Variants in TRIM16 observed in about 807,000 individuals in gnomAD.
The protein encoded by TRIM16 is tripartite motif-containing protein 16.
TRIM16 carries 33 observed loss-of-function variants against 50.4 expected under a neutral mutation model. The ratio of observed to expected loss-of-function variants is 0.65; its 90% CI spans 0.50 to 0.88. The LOEUF (loss-of-function observed/expected upper bound fraction) is 0.88. TRIM16 is among the 40% of genes least tolerant of loss of function. The pLI is 0.00. For missense variants in TRIM16, 581 were observed against 686.8 expected, an observed-to-expected ratio of 0.85 and a Z score of 1.72; for synonymous variants, 229 against 270.7, an observed-to-expected ratio of 0.85 and a Z score of 1.51.
In TRIM16 at chr17:15,678,497, C is replaced by T. The variant is rs570102209; in HGVS notation, c.-589-776G>A. On this transcript the variant is annotated intron_variant, in intron 4 of 11. Transcript: ENST00000649191. ...GTGCGCCCTTTCCAGGCCTGACTCA[C>T]GTATGTTCCTCCATGCTGTTTTCCC... Among the ~76,000 whole-genome samples, 7 of 152,272 alleles carry T rather than the reference C, an allele frequency of 4.6e-5. No homozygotes were observed. In the South Asian group the frequency reaches 6.2e-4, roughly 14 times the overall value.
At chr17:15,666,260 T>C (rs1023441790) in intron 6 of TRIM16, among the ~76,000 whole-genome samples, 6 of 152,332 alleles carry the variant, frequency 3.9e-5, no homozygotes, top group African/African-American at 1.4e-4. Context: ...TTATTTTTAT[T>C]TTTTAGAGAT....
At chr17:15,650,978 A>G in intron 7 of TRIM16, 113 bp downstream of exon 7, 2 of 1,402,656 alleles carry the variant, frequency 1.4e-6, no homozygotes, top group Admixed American at 2.4e-5. Flanking sequence ...AGTCTTTTTC[A>G]GGTATGCTCA....
rs377452311 is a variant in TRIM16 at position 15,651,429 on chromosome 17, C to T, written c.181G>A (p.Asp61Asn). 117 of 1,613,542 alleles carry T rather than the reference C, an allele frequency of 7.3e-5. No homozygotes were observed. Among genetic ancestry groups the T allele is most frequent in the Non-Finnish European group, 9.0e-5 (106 of 1,179,650 alleles). Residue 61 changes from aspartate (D) to asparagine (N), a missense_variant, in exon 7 of 12, where the codon GAC becomes AAC. By Grantham distance (23) the Asp-to-Asn change is conservative. Transcript: ENST00000649191. Reference sequence around the variant, plus strand: ...GCAGGATCCCCCTGCTCTGCAGAGTCGCTGTCCTGTTCCTCCGTCTCCCTG... The same window carrying T: ...GCAGGATCCCCCTGCTCTGCAGAGTTGCTGTCCTGTTCCTCCGTCTCCCTG... ...LGRETEEQDS[D>N]SAEQGDPAGE...
intron 6 of TRIM16, among the ~76,000 whole-genome samples, chr17:15,670,094 C>T (rs1407057173): frequency 6.6e-6 from 1 of 152,166 alleles, no homozygotes; most frequent in Non-Finnish European, 1.5e-5. Flanking sequence ...TGAGATAATT[C>T]CCTCATGTCA....
chr17:15,632,933 A>G lies in TRIM16; in HGVS notation c.850-259T>C, dbSNP rs190337563. ...GATTTTAAAAATCAAGATGTACTAG[A>G]TGGCCATGAACAGCTCCAATACACA... is the stretch of plus-strand genomic sequence containing the variant. On this transcript the variant is annotated intron_variant, in intron 9 of 11. Coordinates refer to ENST00000649191, the MANE Select transcript of TRIM16 (RefSeq NM_001348119.1). The G allele has an allele frequency of 1.2e-3, 460 of 369,812 alleles. 3 individuals carry two copies. Among genetic ancestry groups the G allele is most frequent in the South Asian group, 9.9e-3 (166 of 16,752 alleles). The allele number at this position is 369,812 out of a possible 1,614,324, so 22.9% of individuals were successfully genotyped here. A position where few individuals can be genotyped will look rare whatever the true frequency, so the allele number is the denominator to read the frequency against.
At chr17:15,653,813 G>A (rs1369850078) in intron 6 of TRIM16, among the ~76,000 whole-genome samples, 2 of 152,208 alleles carry the variant, frequency 1.3e-5, no homozygotes. Context: ...AAGAGGCTGC[G>A]AGGCATGACC....
intron 4 of TRIM16, among the ~76,000 whole-genome samples, chr17:15,679,177 C>G (rs565888725): frequency 1.4e-4 from 22 of 152,294 alleles, no homozygotes; most frequent in Admixed American, 4.6e-4. Context: ...CCGCATCCAG[C>G]CAACAGATGC....
chr17:15,632,375 A>G (rs1440117441), intron 10 of TRIM16, 134 bp downstream of exon 10: 2 of 1,369,360 alleles, frequency 1.5e-6, no homozygotes, highest in Non-Finnish European at 2.0e-6. Flanking sequence ...AGACTGTCTC[A>G]CAGAAAAAGA....
chr17:15,659,870 C>T (rs563803496), intron 6 of TRIM16, among the ~76,000 whole-genome samples: 2 of 152,168 alleles, frequency 1.3e-5, no homozygotes, highest in South Asian at 2.1e-4. Flanking sequence ...TCCAGGGAGC[C>T]GCACTCACCT....
chr17:15,680,533 C>T (rs1989142957), intron 4 of TRIM16, among the ~76,000 whole-genome samples: 1 of 152,026 alleles, frequency 6.6e-6, no homozygotes, highest in African/African-American at 2.4e-5. Flanking sequence ...GAGTCACGCT[C>T]CTCAATTATC....
rs188307419 is a variant in TRIM16, at chr17:15,651,430, G to A, written c.180C>T (p.Ser60=). The change falls in exon 7 of 12, where the codon AGC becomes AGT. Residue 60 remains serine (S), a synonymous_variant. Transcript: ENST00000649191. ...CAGGATCCCCCTGCTCTGCAGAGTC[G>A]CTGTCCTGTTCCTCCGTCTCCCTGC... The part of the protein sequence containing the change: ...KLGRETEEQD[S]DSAEQGDPAG... 18 of 1,613,588 alleles carry A rather than the reference G, an allele frequency of 1.1e-5. No individual in the cohort carries two copies. The highest frequency in any genetic ancestry group is 4.4e-5 in the South Asian group (4 of 91,030).
intron 6 of TRIM16, among the ~76,000 whole-genome samples, chr17:15,658,336 A>G (rs1988068114): frequency 6.6e-6 from 1 of 152,198 alleles, no homozygotes; most frequent in Admixed American, 6.5e-5. Context: ...GTTTCTGGCT[A>G]AAGAAGCTAT....
intron 7 of TRIM16, among the ~76,000 whole-genome samples, chr17:15,648,712 T>C (rs906214335): frequency 7.2e-5 from 11 of 152,206 alleles, no homozygotes; most frequent in African/African-American, 2.7e-4. Context: ...GGCTTTAGCC[T>C]CGTCAAGGTA....
At chr17:15,661,782 GCTC>G (rs1988249247) in intron 6 of TRIM16, among the ~76,000 whole-genome samples, 2 of 152,192 alleles carry the variant, frequency 1.3e-5, no homozygotes, top group Non-Finnish European at 2.9e-5. Flanking sequence ...CTTGAGAGCA[GCTC>G]CTAGTGACAG....
intron 6 of TRIM16, among the ~76,000 whole-genome samples, chr17:15,675,164 T>C (rs965636636): frequency 6.6e-6 from 1 of 152,134 alleles, no homozygotes; most frequent in Non-Finnish European, 1.5e-5. Context: ...CTTTAGAGTC[T>C]ATTAGGCTAG....
intron 7 of TRIM16, among the ~76,000 whole-genome samples, chr17:15,646,257 A>G (rs1310939046): frequency 6.7e-6 from 1 of 149,904 alleles, no homozygotes; most frequent in Non-Finnish European, 1.5e-5. Context: ...AGGTGGAACC[A>G]CTTTGAAAGA....
intron 8 of TRIM16, among the ~76,000 whole-genome samples, chr17:15,636,630 C>CTTTTTT (rs869137177): frequency 8.3e-6 from 1 of 121,206 alleles, no homozygotes; most frequent in African/African-American, 3.0e-5. Context: ...AAGAATTTGG[C>CTTTTTT]TTTTTTTTTT....
At chr17:15,653,471 A>G (rs923740911) in intron 6 of TRIM16, among the ~76,000 whole-genome samples, 10 of 152,174 alleles carry the variant, frequency 6.6e-5, no homozygotes, top group Admixed American at 2.0e-4. Context: ...TCATTTCCTC[A>G]CAGTTCTAGA....
rs751293216 is a variant in TRIM16, at chr17:15,683,122, G to T, written c.-863C>A. On this transcript the variant is annotated 5_prime_UTR_variant, in exon 2 of 12. Transcript: ENST00000649191. Reference sequence around the variant, plus strand: ...GTGTAGCAACCTTTCCGTTCTCCACGTATCTTCCTGGAAATTGCCAGCATT... The same window carrying T: ...GTGTAGCAACCTTTCCGTTCTCCACTTATCTTCCTGGAAATTGCCAGCATT... 6.3e-5 allele frequency: 98 copies of T among 1,550,126 alleles called. No individual in the cohort carries two copies. Among genetic ancestry groups the T allele is most frequent in the Non-Finnish European group, 8.0e-5 (92 of 1,146,852 alleles).
Sources: allele counts gnomAD v4.1 joint callset (sites outside exome capture counted in the v4.1 genomes callset), GRCh38; gene constraint gnomAD v4.1.1; transcripts MANE v1.5; gene names NCBI Gene and HGNC (gene_info 2026-07-23, HGNC 2026-07-21).